TMEM117: variants seen among roughly 807,000 people sequenced by gnomAD.
TMEM117 encodes the protein transmembrane protein 117.
A neutral mutation model predicts 52.4 loss-of-function variants in TMEM117; 27 were observed. That is an observed-to-expected ratio of 0.51 (90% CI 0.38 to 0.71). The LOEUF is 0.71. Ranked by LOEUF, TMEM117 falls within the 30% of genes least tolerant of loss-of-function variation. TMEM117 has a pLI of 0.00. For synonymous variants in TMEM117, 215 were observed against 206.3 expected (o/e 1.04, Z -0.36); for missense variants, 556 against 630.5 (o/e 0.88, Z 1.26).
chr12:43,923,383 G>A (rs1457168235), intron 2 of TMEM117, among the ~76,000 whole-genome samples: 3 of 152,170 alleles, frequency 2.0e-5, no homozygotes, highest in Admixed American at 2.0e-4. Flanking sequence ...TTTGTTAGAT[G>A]TACAGACCAG....
chr12:44,307,495 G>C (rs572081161), intron 6 of TMEM117, among the ~76,000 whole-genome samples: 1 of 152,266 alleles, frequency 6.6e-6, no homozygotes, highest in Admixed American at 6.5e-5. Context: ...TTCTGTTATA[G>C]GGTCCCAAGT....
At chr12:44,336,132 A>G (rs899883940) in intron 6 of TMEM117, among the ~76,000 whole-genome samples, 3 of 152,026 alleles carry the variant, frequency 2.0e-5, no homozygotes, top group African/African-American at 7.2e-5. Flanking sequence ...TTTGAGGGAA[A>G]GCTGTATAGT....
At chr12:44,220,324 T>C (rs901821704) in intron 5 of TMEM117, among the ~76,000 whole-genome samples, 1 of 152,124 alleles carries the variant, frequency 6.6e-6, no homozygotes, top group African/African-American at 2.4e-5. Flanking sequence ...AAGACTGAAG[T>C]TAACAGAGAA....
intron 3 of TMEM117, among the ~76,000 whole-genome samples, chr12:44,115,236 C>G (rs908196027): frequency 1.3e-5 from 2 of 152,098 alleles, no homozygotes; most frequent in Admixed American, 6.5e-5. Context: ...AGTTAAAACC[C>G]TCATAGGTGG....
intron 5 of TMEM117, among the ~76,000 whole-genome samples, chr12:44,262,638 CTTAT>C (rs1482226666): frequency 1.9e-4 from 29 of 152,170 alleles, no homozygotes; most frequent in Admixed American, 1.1e-3. Flanking sequence ...GGTTCATTTA[CTTAT>C]TTATTTATTT....
chr12:43,878,791 T>C (rs2137445035), intron 2 of TMEM117, among the ~76,000 whole-genome samples: 1 of 152,316 alleles, frequency 6.6e-6, no homozygotes, highest in East Asian at 1.9e-4. Flanking sequence ...AAAAACTTTA[T>C]TTGGAAAAGT....
intron 2 of TMEM117, among the ~76,000 whole-genome samples, chr12:43,928,993 A>G (rs1038118030): frequency 4.0e-5 from 6 of 151,596 alleles, no homozygotes; most frequent in African/African-American, 1.5e-4. Flanking sequence ...CCAGTCTATC[A>G]TTGTTGGACA....
At chr12:44,058,409 G>A (rs138639169) in intron 3 of TMEM117, among the ~76,000 whole-genome samples, 1 of 152,096 alleles carries the variant, frequency 6.6e-6, no homozygotes, top group African/African-American at 2.4e-5. Context: ...GATATTACCT[G>A]GATCAATTTT....
intron 2 of TMEM117, among the ~76,000 whole-genome samples, chr12:43,905,633 A>G (rs373988832): frequency 1.3e-5 from 2 of 152,212 alleles, no homozygotes; most frequent in Non-Finnish European, 2.9e-5. Flanking sequence ...GAAATAACCT[A>G]AAGTGTTCAG....
intron 4 of TMEM117, among the ~76,000 whole-genome samples, chr12:44,172,371 G>C (rs1393658434): frequency 6.6e-6 from 1 of 152,124 alleles, no homozygotes; most frequent in Non-Finnish European, 1.5e-5. Flanking sequence ...GATGGCTTGA[G>C]ACATTCTTTG....
intron 2 of TMEM117, among the ~76,000 whole-genome samples, chr12:43,883,885 T>A (rs1419562270): frequency 2.6e-5 from 4 of 151,918 alleles, no homozygotes; most frequent in African/African-American, 9.6e-5. Context: ...GCCTATAATC[T>A]CAACACTTTG....
intron 2 of TMEM117, among the ~76,000 whole-genome samples, chr12:43,913,158 A>C (rs1944544056): frequency 6.6e-6 from 1 of 152,158 alleles, no homozygotes; most frequent in South Asian, 2.1e-4. Flanking sequence ...CATTTATTTA[A>C]GGGATTTGTA....
intron 3 of TMEM117, among the ~76,000 whole-genome samples, chr12:44,104,900 A>C (rs1320669718): frequency 6.6e-6 from 1 of 151,894 alleles, no homozygotes; most frequent in Non-Finnish European, 1.5e-5. Context: ...GGTTCTTTCA[A>C]GATTTTTAAA....
At chr12:44,175,748 G>A (rs899519573) in intron 4 of TMEM117, among the ~76,000 whole-genome samples, 2 of 152,172 alleles carry the variant, frequency 1.3e-5, no homozygotes, top group African/African-American at 4.8e-5. Context: ...AGGAGGGGCA[G>A]CAGATAAGAA....
At chr12:44,144,584 C>T (rs1314006951) in intron 4 of TMEM117, among the ~76,000 whole-genome samples, 1 of 152,132 alleles carries the variant, frequency 6.6e-6, no homozygotes. Context: ...TTGCTTCTTA[C>T]CTGGAACAGG....
intron 3 of TMEM117, among the ~76,000 whole-genome samples, chr12:43,980,698 T>G (rs887960161): frequency 6.6e-6 from 1 of 152,182 alleles, no homozygotes; most frequent in African/African-American, 2.4e-5. Flanking sequence ...GGGTACCACC[T>G]GCCAAGTCTG....
chr12:43,983,531 T>G, intron 3 of TMEM117, among the ~76,000 whole-genome samples: 1 of 134,080 alleles, frequency 7.5e-6, no homozygotes, highest in Non-Finnish European at 1.6e-5. Flanking sequence ...AAAACTGCAA[T>G]TACTTTTGCA....
intron 6 of TMEM117, among the ~76,000 whole-genome samples, chr12:44,375,209 T>C (rs1047709074): frequency 9.9e-5 from 15 of 152,210 alleles, no homozygotes; most frequent in African/African-American, 3.4e-4. Flanking sequence ...GATCAAAATG[T>C]GCCAAATTAA....
At chr12:44,376,201 G>A (rs1951938822) in intron 6 of TMEM117, among the ~76,000 whole-genome samples, 1 of 151,980 alleles carries the variant, frequency 6.6e-6, no homozygotes, top group Non-Finnish European at 1.5e-5. Context: ...CATGCTATAA[G>A]GTTCATACTT....
Sources: allele counts gnomAD v4.1 joint callset (sites outside exome capture counted in the v4.1 genomes callset), GRCh38; gene constraint gnomAD v4.1.1; transcripts MANE v1.5; gene names NCBI Gene and HGNC (gene_info 2026-07-23, HGNC 2026-07-21).